Variants in CTNNA2 observed in about 807,000 individuals in gnomAD.
The protein encoded by CTNNA2 is catenin alpha 2.
Under a neutral mutation model 101.0 loss-of-function variants are expected in CTNNA2, and 42 were observed. The ratio of observed to expected loss-of-function variants is 0.42; its 90% CI spans 0.32 to 0.54. CTNNA2 has a LOEUF of 0.54. Ranked by LOEUF, CTNNA2 falls within the 20% of genes least tolerant of loss-of-function variation. The pLI is 0.14. For missense variants in CTNNA2, 871 were observed against 1,223.1 expected (o/e 0.71, Z 4.29); for synonymous variants, 450 against 456.4 (o/e 0.99, Z 0.18).
At chr2:80,526,419 C>T (rs1251732294) in intron 9 of CTNNA2, among the ~76,000 whole-genome samples, 5 of 152,122 alleles carry the variant, frequency 3.3e-5, no homozygotes, top group Non-Finnish European at 5.9e-5. Flanking sequence ...AGGCTGGTCT[C>T]GAACTCCTGA....
At chr2:80,589,281 C>T (rs371156156) in intron 14 of CTNNA2, 23 bp from the exon 15 acceptor site, 9 of 1,611,648 alleles carry the variant, frequency 5.6e-6, no homozygotes, top group South Asian at 5.5e-5. Flanking sequence ...CCGTCACTCA[C>T]GCTTTTTCTG....
chr2:79,584,997 G>A (rs949576848), intron 1 of CTNNA2, among the ~76,000 whole-genome samples: 37 of 152,108 alleles, frequency 2.4e-4, no homozygotes, highest in Non-Finnish European at 5.1e-4. Context: ...TTGAGAACAC[G>A]CAGTTTTTCC....
chr2:79,497,084 A>C (rs1238842085), intron 4 of CTNNA2, among the ~76,000 whole-genome samples: 2 of 152,206 alleles, frequency 1.3e-5, no homozygotes, highest in African/African-American at 4.8e-5. Flanking sequence ...TTTTAAAATA[A>C]GGAGTTTTCT....
rs1046172142 is a variant in CTNNA2, at chr2:79,519,903, C to T, written c.-6+6696C>T. Among the ~76,000 whole-genome samples, 4 of 152,178 alleles carry T rather than the reference C, an allele frequency of 2.6e-5. No homozygotes were observed. The South Asian group carries it at 8.3e-4, about 32-fold the overall frequency. On this transcript the variant is annotated intron_variant, in intron 1 of 18. Coordinates refer to ENST00000402739, the MANE Select transcript of CTNNA2 (RefSeq NM_001282597.3). ...CAGTGTGTGGTTGGCTTGTTTCGGC[C>T]ATGCCAATGTTTGTGAAAGACTATA...
chr2:79,906,147 C>G (rs1169207479), intron 6 of CTNNA2, among the ~76,000 whole-genome samples: 1 of 152,134 alleles, frequency 6.6e-6, no homozygotes, highest in Non-Finnish European at 1.5e-5. Context: ...CGTACACATA[C>G]ATGCATCCAC....
chr2:79,469,092 TG>T (rs966974310), intron 4 of CTNNA2, among the ~76,000 whole-genome samples: 8 of 151,908 alleles, frequency 5.3e-5, no homozygotes, highest in African/African-American at 1.5e-4. Flanking sequence ...ATCCAGGAGC[TG>T]GTTTGTTGAA....
chr2:79,988,979 G>T (rs968332765), intron 7 of CTNNA2, among the ~76,000 whole-genome samples: 1 of 152,174 alleles, frequency 6.6e-6, no homozygotes, highest in African/African-American at 2.4e-5. Context: ...GAATACTTTA[G>T]CCTCTAACTG....
At chr2:79,875,754 T>C (rs1682974575) in intron 6 of CTNNA2, among the ~76,000 whole-genome samples, 1 of 152,068 alleles carries the variant, frequency 6.6e-6, no homozygotes, top group Non-Finnish European at 1.5e-5. Context: ...GGATTAAATA[T>C]GATAATATAT....
At chr2:79,263,014 A>T (rs369264262) in intron 2 of CTNNA2, among the ~76,000 whole-genome samples, 1 of 152,202 alleles carries the variant, frequency 6.6e-6, no homozygotes, top group Non-Finnish European at 1.5e-5. Context: ...TTACATTTTT[A>T]AAAATTAAAA....
At chr2:79,218,286 C>T (rs947408526) in intron 2 of CTNNA2, among the ~76,000 whole-genome samples, 9 of 148,618 alleles carry the variant, frequency 6.1e-5, no homozygotes, top group African/African-American at 2.0e-4. Context: ...CTTTCCTAAG[C>T]CAGGCACCAG....
chr2:80,350,983 G>C (rs1673234124), intron 7 of CTNNA2, among the ~76,000 whole-genome samples: 1 of 152,154 alleles, frequency 6.6e-6, no homozygotes, highest in Admixed American at 6.6e-5. Flanking sequence ...TAACACTTCA[G>C]ATGACCTAAA....
intron 7 of CTNNA2, among the ~76,000 whole-genome samples, chr2:80,083,236 T>C (rs967972588): frequency 2.0e-4 from 31 of 152,138 alleles, no homozygotes; most frequent in African/African-American, 5.8e-4. Context: ...ATCTTGCAAA[T>C]AGCCACTGGG....
intron 3 of CTNNA2, among the ~76,000 whole-genome samples, chr2:79,760,240 T>C (rs1400465326): frequency 6.6e-6 from 1 of 151,864 alleles, no homozygotes; most frequent in Non-Finnish European, 1.5e-5. Flanking sequence ...CAGAAAGGCC[T>C]TTTCTAACCC....
intron 3 of CTNNA2, among the ~76,000 whole-genome samples, chr2:79,349,329 A>T (rs1406955221): frequency 6.6e-6 from 1 of 152,192 alleles, no homozygotes; most frequent in Non-Finnish European, 1.5e-5. Flanking sequence ...GTTTCTTTGA[A>T]ATTCTAACTC....
intron 1 of CTNNA2, among the ~76,000 whole-genome samples, chr2:79,589,733 C>T (rs978142141): frequency 1.4e-5 from 2 of 147,558 alleles, no homozygotes; most frequent in Admixed American, 6.8e-5. Context: ...CCCCGAGACA[C>T]GAATTTACTC....
chr2:80,393,077 A>G, intron 7 of CTNNA2, 134 bp from the exon 8 acceptor site: 1 of 595,252 alleles, frequency 1.7e-6, no homozygotes, highest in East Asian at 3.1e-5. Context: ...ATCATGTTAT[A>G]GTTATGTATT....
At chr2:79,251,951 A>G (rs1023992656) in intron 2 of CTNNA2, among the ~76,000 whole-genome samples, 2 of 152,228 alleles carry the variant, frequency 1.3e-5, no homozygotes, top group African/African-American at 2.4e-5. Context: ...GGAAAATATG[A>G]TGGAAGTGGT....
At chr2:79,727,785 T>C (rs1686944700) in intron 2 of CTNNA2, among the ~76,000 whole-genome samples, 2 of 140,596 alleles carry the variant, frequency 1.4e-5, no homozygotes, top group African/African-American at 5.3e-5. Context: ...TGTCCATGTG[T>C]TCTCATTGTT....
intron 4 of CTNNA2, among the ~76,000 whole-genome samples, chr2:79,391,970 C>T (rs560075573): frequency 6.6e-6 from 1 of 152,262 alleles, no homozygotes; most frequent in East Asian, 1.9e-4. Flanking sequence ...GCTCACTTCC[C>T]TGGTGTCTCT....
Sources: gnomAD v4.1 joint callset for allele counts (sites outside exome capture counted in the v4.1 genomes callset) on GRCh38, gnomAD v4.1.1 for gene constraint, MANE v1.5 for transcripts, NCBI Gene and HGNC (gene_info 2026-07-23, HGNC 2026-07-21) for gene names.